NTN4: variants seen among roughly 807,000 people sequenced by gnomAD.
NTN4 encodes the protein netrin-4.
NTN4 carries 32 observed loss-of-function variants against 73.6 expected under a neutral mutation model. The ratio of observed to expected loss-of-function variants is 0.44; its 90% CI spans 0.33 to 0.58. The LOEUF is 0.58. NTN4 is among the 20% of genes least tolerant of loss of function. The pLI is 0.04. For synonymous variants in NTN4, 258 were observed against 287.5 expected (o/e 0.90, Z 1.04); for missense variants, 654 against 798.3 (o/e 0.82, Z 2.18).
At chr12:95,666,986 C>CAA (rs1421779146) in intron 8 of NTN4, among the ~76,000 whole-genome samples, 6 of 152,054 alleles carry the variant, frequency 3.9e-5, no homozygotes, top group African/African-American at 1.4e-4. Context: ...ACAGATAAAC[C>CAA]AAAAAGTCTT....
chr12:95,763,570 A>C (rs2079002514), intron 2 of NTN4, among the ~76,000 whole-genome samples: 1 of 152,196 alleles, frequency 6.6e-6, no homozygotes, highest in African/African-American at 2.4e-5. Flanking sequence ...CTCATATCAC[A>C]TAGTTTCTAC....
At chr12:95,784,063 G>C (rs1369769804) in intron 2 of NTN4, among the ~76,000 whole-genome samples, 5 of 152,170 alleles carry the variant, frequency 3.3e-5, no homozygotes, top group African/African-American at 1.2e-4. Context: ...GCCTTATATA[G>C]AATGGAGGAA....
Position 95,683,523 on chromosome 12 carries a change from G to A in NTN4, c.1369C>T (p.Pro457Ser), listed in dbSNP as rs1314102993. The change falls in exon 6 of 10, where the codon CCT (proline) becomes TCT (serine). Residue 457 changes from proline to serine, a missense_variant. Pro to Ser is a moderately conservative substitution (Grantham distance 74). Coordinates refer to ENST00000343702, the MANE Select transcript of NTN4 (RefSeq NM_021229.4). ...RPCDCAGSCD[P>S]ITGDCISSHT... ...CTGCTGATGCAGTCTCCGGTGATAG[G>A]GTCACAGCTCCCCGCACAGTCACAT... The A allele has an allele frequency of 7.4e-6, 12 of 1,613,982 alleles. No homozygotes were observed. The highest frequency in any genetic ancestry group is 1.3e-5 in the African/African-American group (1 of 74,910).
Position 95,710,501 on chromosome 12 carries a change from A to G in NTN4, c.1120T>C (p.Cys374Arg). The change falls in exon 5 of 10, where the codon TGC becomes CGC. Residue 374 changes from cysteine to arginine, a missense_variant. Coordinates refer to ENST00000343702, the MANE Select transcript of NTN4 (RefSeq NM_021229.4). ...AGGTCACGATAGAAGCCTGGCTTGC[A>G]CCTCTGGCAATACTGTCCTTCTGTG... The part of the protein sequence containing the change: ...HNTEGQYCQR[C>R]KPGFYRDLRR... 6.2e-7 allele frequency: 1 copy of G among 1,614,100 alleles called. No individual in the cohort carries two copies. The highest frequency in any genetic ancestry group is 8.5e-7 in the Non-Finnish European group (1 of 1,180,012).
At chr12:95,775,911 C>G (rs544519731) in intron 2 of NTN4, among the ~76,000 whole-genome samples, 21 of 152,238 alleles carry the variant, frequency 1.4e-4, no homozygotes, top group Non-Finnish European at 2.4e-4. Context: ...AGGCACCCCC[C>G]AGTAGGGGCA....
intron 3 of NTN4, among the ~76,000 whole-genome samples, chr12:95,720,734 G>C (rs1269753305): frequency 1.3e-5 from 2 of 152,134 alleles, no homozygotes; most frequent in Non-Finnish European, 2.9e-5. Flanking sequence ...CCTGGGCAAG[G>C]CATGTTGATA....
At chr12:95,773,099 G>A (rs1258203543) in intron 2 of NTN4, among the ~76,000 whole-genome samples, 1 of 151,684 alleles carries the variant, frequency 6.6e-6, no homozygotes, top group East Asian at 1.9e-4. Flanking sequence ...GCCCTCCGGG[G>A]TTCACGTTAT....
chr12:95,728,485 G>T (rs1465326686), intron 3 of NTN4, among the ~76,000 whole-genome samples: 1 of 152,158 alleles, frequency 6.6e-6, no homozygotes, highest in Non-Finnish European at 1.5e-5. Context: ...CATTGAGGAA[G>T]CTCCTTTTTA....
chr12:95,746,517 T>C (rs1261296964), intron 2 of NTN4, among the ~76,000 whole-genome samples: 1 of 152,170 alleles, frequency 6.6e-6, no homozygotes, highest in East Asian at 1.9e-4. Flanking sequence ...CATCTCAAAG[T>C]GTGGCGTTTT....
chr12:95,691,584 C>T (rs952858538), intron 5 of NTN4, among the ~76,000 whole-genome samples: 26 of 151,990 alleles, frequency 1.7e-4, no homozygotes, highest in African/African-American at 4.8e-4. Flanking sequence ...TTAGTAGAGA[C>T]GGGGTTTTGC....
intron 2 of NTN4, among the ~76,000 whole-genome samples, chr12:95,738,766 G>A (rs1247021840): frequency 1.3e-5 from 2 of 152,198 alleles, no homozygotes; most frequent in Non-Finnish European, 2.9e-5. Flanking sequence ...AATCGACTGT[G>A]TCACATGTCC....
At chr12:95,725,484 G>A (rs1453663886) in intron 3 of NTN4, among the ~76,000 whole-genome samples, 1 of 152,088 alleles carries the variant, frequency 6.6e-6, no homozygotes, top group Admixed American at 6.6e-5. Context: ...CTTGTCACAG[G>A]CTACTATGCA....
intron 9 of NTN4, among the ~76,000 whole-genome samples, chr12:95,660,993 T>G (rs7972388): frequency 6.6e-6 from 1 of 152,122 alleles, no homozygotes; most frequent in South Asian, 2.1e-4. Context: ...TGAATGTGTG[T>G]CTTTTTAAAA....
intron 2 of NTN4, among the ~76,000 whole-genome samples, chr12:95,765,075 T>C (rs959473799): frequency 6.6e-6 from 1 of 152,232 alleles, no homozygotes; most frequent in Non-Finnish European, 1.5e-5. Flanking sequence ...CAGATGTAGG[T>C]GGATACATTT....
At chr12:95,722,326 A>G (rs556235470) in intron 3 of NTN4, among the ~76,000 whole-genome samples, 13 of 152,338 alleles carry the variant, frequency 8.5e-5, no homozygotes, top group Non-Finnish European at 1.5e-4. Context: ...AATAGTGTTG[A>G]TAACATAACC....
chr12:95,777,938 G>T (rs2079105981), intron 2 of NTN4, among the ~76,000 whole-genome samples: 1 of 151,990 alleles, frequency 6.6e-6, no homozygotes, highest in African/African-American at 2.4e-5. Context: ...AAATGTAAAA[G>T]AACAGAAATT....
At chr12:95,684,226 C>T (rs565352920) in intron 5 of NTN4, among the ~76,000 whole-genome samples, 1 of 152,194 alleles carries the variant, frequency 6.6e-6, no homozygotes, top group African/African-American at 2.4e-5. Context: ...GAGAGGGAAA[C>T]CCAGTGGAAG....
chr12:95,777,167 A>G (rs962462243), intron 2 of NTN4, among the ~76,000 whole-genome samples: 2 of 152,238 alleles, frequency 1.3e-5, no homozygotes, highest in Non-Finnish European at 2.9e-5. Context: ...GGAAGCACTA[A>G]ACATGGAAAG....
At chr12:95,695,516 C>T (rs2078434847) in intron 5 of NTN4, among the ~76,000 whole-genome samples, 1 of 152,042 alleles carries the variant, frequency 6.6e-6, no homozygotes, top group African/African-American at 2.4e-5. Context: ...AGGTGTGTGC[C>T]ACCACACCTG....
Sources: allele counts gnomAD v4.1 joint callset (sites outside exome capture counted in the v4.1 genomes callset), GRCh38; gene constraint gnomAD v4.1.1; transcripts MANE v1.5; gene names NCBI Gene and HGNC (gene_info 2026-07-23, HGNC 2026-07-21).